Variants in CFAP70 observed in about 807,000 individuals in gnomAD.
CFAP70 encodes the protein cilia and flagella associated protein 70.
CFAP70 carries 81 observed loss-of-function variants against 137.6 expected under a neutral mutation model. The ratio of observed to expected loss-of-function variants is 0.59; its 90% CI spans 0.49 to 0.71. CFAP70 has a LOEUF of 0.71. Among genes scored for constraint, CFAP70 ranks in the 30% least tolerant of loss-of-function variants. CFAP70 has a pLI of 0.00. For synonymous variants in CFAP70, 382 were observed against 423.6 expected (o/e 0.90, Z 1.20); for missense variants, 976 against 1,226.7 (o/e 0.80, Z 3.05).
Position 73,275,324 on chromosome 10 carries a change from T to G in CFAP70, c.2673+122A>C. 3.3e-5 allele frequency: 38 copies of G among 1,145,362 alleles called. No individual in the cohort carries two copies. Among genetic ancestry groups the G allele is most frequent in the Non-Finnish European group, 4.2e-5 (34 of 815,798 alleles). 70.9% of individuals were successfully genotyped at this position (1,145,362 alleles called of 1,614,324 possible). ...AAGCAAATGGAAGGGTATAGAGAGA[T>G]GAGTTTACTGACAGCTGATGACCAC... is the stretch of plus-strand genomic sequence containing the variant. On this transcript the variant is annotated intron_variant, in intron 22 of 26. Transcript: ENST00000310715. This position sits in a 1 kb window ranked among gnomAD's most constrained non-coding sequence, Gnocchi z 4.0.
chr10:73,267,820 G>A (rs11000575), intron 25 of CFAP70, among the ~76,000 whole-genome samples: 1 of 152,180 alleles, frequency 6.6e-6, no homozygotes, highest in Admixed American at 6.5e-5. Context: ...TTTGTTGGTA[G>A]AATTCAGTTC....
chr10:73,306,514 AC>A (rs2049392020), intron 12 of CFAP70, among the ~76,000 whole-genome samples: 1 of 152,140 alleles, frequency 6.6e-6, no homozygotes, highest in South Asian at 2.1e-4. Flanking sequence ...TCTTATCAAA[AC>A]CATGGAGGCC....
chr10:73,256,451 G>T, intron 25 of CFAP70, 35 bp from the exon 27 acceptor site: 2 of 1,613,226 alleles, frequency 1.2e-6, no homozygotes, highest in South Asian at 2.2e-5. Context: ...ATGATGACAG[G>T]TCATAAACAT....
intron 7 of CFAP70, among the ~76,000 whole-genome samples, chr10:73,333,164 C>T (rs2052302166): frequency 6.6e-6 from 1 of 151,918 alleles, no homozygotes; most frequent in Admixed American, 6.6e-5. Context: ...CTGGACATGG[C>T]TGAGGAAAAT....
At chr10:73,351,263 T>C (rs1260438971) in intron 3 of CFAP70, among the ~76,000 whole-genome samples, 7 of 145,538 alleles carry the variant, frequency 4.8e-5, no homozygotes, top group African/African-American at 7.7e-5. Context: ...GGACTACAGG[T>C]GCCCGCCACC....
chr10:73,306,253 C>T (rs2049364965), intron 12 of CFAP70, among the ~76,000 whole-genome samples: 1 of 152,058 alleles, frequency 6.6e-6, no homozygotes, highest in African/African-American at 2.4e-5. Flanking sequence ...TTCCCCCTTT[C>T]TAGAGAAGAA....
At chr10:73,337,636 G>A (rs2052801090) in intron 6 of CFAP70, among the ~76,000 whole-genome samples, 1 of 152,140 alleles carries the variant, frequency 6.6e-6, no homozygotes, top group African/African-American at 2.4e-5. Flanking sequence ...TGGGTGCAGT[G>A]GTTCACGCCT....
intron 26 of CFAP70, among the ~76,000 whole-genome samples, chr10:73,256,168 A>C (rs1177277105): frequency 6.6e-6 from 1 of 152,186 alleles, no homozygotes; most frequent in Non-Finnish European, 1.5e-5. Context: ...TTCTCTCTAA[A>C]GAGCTGGAAG....
intron 25 of CFAP70, among the ~76,000 whole-genome samples, chr10:73,260,038 G>GA (rs1185184015): frequency 4.1e-5 from 6 of 146,072 alleles, no homozygotes; most frequent in Non-Finnish European, 4.5e-5. Flanking sequence ...AAAAAAAAAA[G>GA]AAAAAAAAAG....
At chr10:73,351,086 T>C (rs1373173867) in intron 3 of CFAP70, among the ~76,000 whole-genome samples, 2 of 96,086 alleles carry the variant, frequency 2.1e-5, no homozygotes, top group Non-Finnish European at 3.9e-5. Flanking sequence ...TATATATATA[T>C]ATATATATAT....
At chr10:73,254,674 CCTTTA>C (rs1267748985) in intron 26 of CFAP70, among the ~76,000 whole-genome samples, 1 of 152,210 alleles carries the variant, frequency 6.6e-6, no homozygotes, top group East Asian at 1.9e-4. Context: ...CTGGAGAAGC[CCTTTA>C]TTTAGGGAAA....
intron 24 of CFAP70, among the ~76,000 whole-genome samples, chr10:73,269,960 C>G (rs2046111624): frequency 6.6e-6 from 1 of 152,128 alleles, no homozygotes; most frequent in African/African-American, 2.4e-5. Context: ...TAACTTATAC[C>G]CCTTTCTTCC....
chr10:73,351,061 GTGTGTGTGTGTATA>G (rs1346654573), intron 3 of CFAP70, among the ~76,000 whole-genome samples: 4 of 55,594 alleles, frequency 7.2e-5, no homozygotes, highest in Admixed American at 6.6e-4. Context: ...GTGTGTGTGT[GTGTGTGTGTGTATA>G]TATATATATA....
intron 9 of CFAP70, among the ~76,000 whole-genome samples, chr10:73,316,407 T>C (rs1307844291): frequency 6.8e-6 from 1 of 146,870 alleles, no homozygotes; most frequent in African/African-American, 2.5e-5. Flanking sequence ...TGTTCTTCCT[T>C]TAACTACCTT....
intron 25 of CFAP70, among the ~76,000 whole-genome samples, chr10:73,266,389 C>A (rs1276891202): frequency 6.6e-6 from 1 of 152,110 alleles, no homozygotes; most frequent in Non-Finnish European, 1.5e-5. Context: ...TCTTTTATTA[C>A]ATATTTCAGT....
At chr10:73,311,617 T>A (rs1191080628) in intron 11 of CFAP70, among the ~76,000 whole-genome samples, 1 of 152,162 alleles carries the variant, frequency 6.6e-6, no homozygotes, top group Non-Finnish European at 1.5e-5. Context: ...ATATAATATT[T>A]TAATGCTGGA....
intron 9 of CFAP70, among the ~76,000 whole-genome samples, chr10:73,321,369 G>A (rs2050836617): frequency 6.6e-6 from 1 of 152,120 alleles, no homozygotes. Context: ...AGTAAGCCGA[G>A]ATCACGCCAT....
At chr10:73,286,493 AAATT>A (rs1208209488) in intron 19 of CFAP70, among the ~76,000 whole-genome samples, 1 of 152,208 alleles carries the variant, frequency 6.6e-6, no homozygotes, top group African/African-American at 2.4e-5. Flanking sequence ...CCCTCAAACT[AAATT>A]AGTTTACCAA....
upstream of CFAP70, among the ~76,000 whole-genome samples, chr10:73,359,239 A>G (rs1031360603): frequency 2.0e-5 from 3 of 152,200 alleles, no homozygotes; most frequent in Non-Finnish European, 2.9e-5. Flanking sequence ...TTAATATTCA[A>G]AATTTAACAT....
Sources: gnomAD v4.1 joint callset for allele counts (sites outside exome capture counted in the v4.1 genomes callset) on GRCh38, gnomAD v4.1.1 for gene constraint, Gnocchi (gnomAD v3.1) non-coding constraint, MANE v1.5 for transcripts, NCBI Gene and HGNC (gene_info 2026-07-23, HGNC 2026-07-21) for gene names.